CEP112: variants seen among roughly 807,000 people sequenced by gnomAD.
The protein encoded by CEP112 is centrosomal protein of 112 kDa.
CEP112 carries 127 observed loss-of-function variants against 153.0 expected under a neutral mutation model. That is an observed-to-expected ratio of 0.83 (90% CI 0.72 to 0.96). The LOEUF is 0.96. Among genes scored for constraint, CEP112 ranks in the 40% least tolerant of loss-of-function variants. The pLI is 0.00. For synonymous variants in CEP112, 358 were observed against 374.4 expected (o/e 0.96, Z 0.51); for missense variants, 1,089 against 1,101.2 (o/e 0.99, Z 0.16).
intron 6 of CEP112, among the ~76,000 whole-genome samples, chr17:66,118,947 A>T (rs2069438367): frequency 6.6e-6 from 1 of 152,170 alleles, no homozygotes; most frequent in African/African-American, 2.4e-5. Flanking sequence ...ATCAACCCAA[A>T]TGCCCATCAA....
intron 19 of CEP112, among the ~76,000 whole-genome samples, chr17:65,905,391 C>T (rs1258259756): frequency 1.3e-5 from 2 of 152,114 alleles, no homozygotes; most frequent in African/African-American, 4.8e-5. Flanking sequence ...CAAATCAAAA[C>T]CACAATGAGA....
At chr17:65,960,046 A>G (rs1472835398) in intron 18 of CEP112, among the ~76,000 whole-genome samples, 1 of 152,194 alleles carries the variant, frequency 6.6e-6, no homozygotes, top group African/African-American at 2.4e-5. Flanking sequence ...AGATTCAAAC[A>G]TGAAACCTTC....
intron 23 of CEP112, among the ~76,000 whole-genome samples, chr17:65,692,217 C>A (rs1268809020): frequency 1.3e-5 from 2 of 150,400 alleles, no homozygotes; most frequent in African/African-American, 2.5e-5. Flanking sequence ...TAAGACACTG[C>A]ACTGGAATTT....
At chr17:65,738,662 T>C (rs1368516401) in intron 23 of CEP112, among the ~76,000 whole-genome samples, 3 of 152,224 alleles carry the variant, frequency 2.0e-5, no homozygotes, top group African/African-American at 4.8e-5. Context: ...TATTTATAAA[T>C]GAGCATATGA....
chr17:66,056,104 A>C (rs1426687790), intron 11 of CEP112, among the ~76,000 whole-genome samples: 1 of 152,222 alleles, frequency 6.6e-6, no homozygotes, highest in Non-Finnish European at 1.5e-5. Context: ...ATAGGACATA[A>C]CAATGAGTTG....
chr17:65,751,988 A>G (rs2051889687), intron 21 of CEP112, among the ~76,000 whole-genome samples: 1 of 144,436 alleles, frequency 6.9e-6, no homozygotes, highest in African/African-American at 2.7e-5. Flanking sequence ...CTATCTATCT[A>G]TCTATCTATC....
At position 66,087,360 on chromosome 17, in the gene CEP112, C is replaced by T. The variant is rs1156734049; in HGVS notation, c.768+8891G>A. Among the ~76,000 whole-genome samples, 6 of 151,934 alleles carry T rather than the reference C, an allele frequency of 3.9e-5. No homozygotes were observed. In the South Asian group the frequency reaches 6.2e-4, roughly 16 times the overall value. On this transcript the variant is annotated intron_variant, in intron 8 of 26. Transcript: ENST00000535342. ...AATTATTTATGGTAAGCAGTCTCAA[C>T]AGTAAGAATTAATACAAAATAAAAT...
At chr17:65,921,552 C>T (rs916148792) in intron 19 of CEP112, among the ~76,000 whole-genome samples, 2 of 152,134 alleles carry the variant, frequency 1.3e-5, no homozygotes, top group African/African-American at 4.8e-5. Context: ...CACCTGGGAT[C>T]TTCATTCTCA....
intron 23 of CEP112, among the ~76,000 whole-genome samples, chr17:65,724,229 C>T (rs1052064655): frequency 1.3e-5 from 2 of 152,134 alleles, no homozygotes; most frequent in African/African-American, 4.8e-5. Context: ...GAAATAACAG[C>T]CTGGTCTTTT....
chr17:66,003,667 T>C (rs2064151084), intron 17 of CEP112, among the ~76,000 whole-genome samples: 1 of 152,176 alleles, frequency 6.6e-6, no homozygotes, highest in Non-Finnish European at 1.5e-5. Context: ...CTGGGCACCA[T>C]ACAGGTCCAT....
chr17:65,966,970 C>A (rs947092897), intron 17 of CEP112, among the ~76,000 whole-genome samples: 2 of 152,172 alleles, frequency 1.3e-5, no homozygotes, highest in African/African-American at 4.8e-5. Context: ...GGGGCAGTGT[C>A]TAGAAGATGG....
intron 10 of CEP112, among the ~76,000 whole-genome samples, chr17:66,065,148 T>G (rs1001697334): frequency 6.6e-6 from 1 of 152,212 alleles, no homozygotes; most frequent in Non-Finnish European, 1.5e-5. Flanking sequence ...TCTTCTTTTC[T>G]TCGGTTCCAT....
intron 21 of CEP112, among the ~76,000 whole-genome samples, chr17:65,786,616 T>C (rs956872661): frequency 2.0e-4 from 29 of 147,050 alleles, no homozygotes; most frequent in Non-Finnish European, 3.0e-5. Context: ...AGGCAGGGTC[T>C]CACTCTGTCA....
chr17:65,974,017 C>T (rs568826052), intron 17 of CEP112, among the ~76,000 whole-genome samples: 49 of 152,038 alleles, frequency 3.2e-4, no homozygotes, highest in African/African-American at 1.1e-3. Flanking sequence ...ACCAGATTTA[C>T]AAAAATGTTT....
At chr17:65,932,054 T>C (rs55649872) in intron 18 of CEP112, among the ~76,000 whole-genome samples, 9,864 of 152,220 alleles carry the variant, frequency 0.065, 466 homozygotes, top group African/African-American at 0.12. Flanking sequence ...TCAGAGGTTA[T>C]CACAGAGCCC....
chr17:65,983,065 G>T (rs2063286513), intron 17 of CEP112, among the ~76,000 whole-genome samples: 1 of 152,166 alleles, frequency 6.6e-6, no homozygotes, highest in African/African-American at 2.4e-5. Context: ...CTGACAGAAG[G>T]CGGGGAATGG....
chr17:65,650,595 G>A (rs1276051620), intron 24 of CEP112, among the ~76,000 whole-genome samples: 1 of 151,866 alleles, frequency 6.6e-6, no homozygotes, highest in East Asian at 1.9e-4. Flanking sequence ...TGTTCGTCTT[G>A]CTTTTAATAC....
intron 21 of CEP112, among the ~76,000 whole-genome samples, chr17:65,806,698 A>G (rs1487611511): frequency 2.0e-5 from 3 of 152,178 alleles, no homozygotes; most frequent in African/African-American, 7.2e-5. Flanking sequence ...TCCACCATGG[A>G]TGGGAAGATG....
chr17:65,768,448 A>G (rs2053133694), intron 21 of CEP112, among the ~76,000 whole-genome samples: 1 of 152,072 alleles, frequency 6.6e-6, no homozygotes, highest in South Asian at 2.1e-4. Context: ...GGTCAACACT[A>G]CTTCCTAACA....
Sources: allele counts gnomAD v4.1 joint callset (sites outside exome capture counted in the v4.1 genomes callset), GRCh38; gene constraint gnomAD v4.1.1; transcripts MANE v1.5; gene names NCBI Gene and HGNC (gene_info 2026-07-23, HGNC 2026-07-21).